The following SEPTIN2 variants were observed in gnomAD, a reference collection of about 807,000 sequenced individuals.
SEPTIN2 encodes the protein septin-2.
SEPTIN2 carries 34 observed loss-of-function variants against 46.5 expected under a neutral mutation model. The ratio of observed to expected loss-of-function variants is 0.73; its 90% CI spans 0.56 to 0.97. The LOEUF (loss-of-function observed/expected upper bound fraction) is 0.97, where lower values mean the gene tolerates loss of function less well. Among genes scored for constraint, SEPTIN2 ranks in the 50% least tolerant of loss-of-function variants. The probability of loss-of-function intolerance (pLI) is 0.00; values close to 1 mark genes in which losing one functional copy is unlikely to be tolerated. For synonymous variants in SEPTIN2, 175 were observed against 153.4 expected (o/e 1.14, Z -1.04); for missense variants, 347 against 448.4 (o/e 0.77, Z 2.04).
chr2:241,325,900 G>T, intron 2 of SEPTIN2, 93 bp from the exon 3 acceptor site: 2 of 1,241,390 alleles, frequency 1.6e-6, no homozygotes, highest in South Asian at 3.3e-5. Flanking sequence ...TGTGAAAACT[G>T]ATAACCTATG....
intron 10 of SEPTIN2, among the ~76,000 whole-genome samples, chr2:241,347,870 C>T (rs1251634981): frequency 6.6e-6 from 1 of 152,094 alleles, no homozygotes; most frequent in African/African-American, 2.4e-5. Flanking sequence ...AAAAAATTAG[C>T]TGGGCGTGGT....
In SEPTIN2 at chr2:241,337,395, A is replaced by C. The variant is rs761979179; in HGVS notation, c.355A>C (p.Ile119Leu). 1.2e-6 allele frequency: 2 copies of C among 1,613,444 alleles called. No homozygotes were observed. Among genetic ancestry groups the C allele is most frequent in the Non-Finnish European group, 1.7e-6 (2 of 1,179,714 alleles). ...TGTTTCTCTCAGTTTTAAGACAATT[A>C]TCTCCTATATTGATGAGCAATTTGA... ...INCRDCFKTI[I>L]SYIDEQFERY... The change falls in exon 6 of 13, where the codon ATC (isoleucine) becomes CTC (leucine). Residue 119 changes from isoleucine (I) to leucine (L), a missense_variant. Ile to Leu is a conservative substitution (Grantham distance 5). Transcript: ENST00000391971.
intron 5 of SEPTIN2, 28 bp downstream of exon 5, chr2:241,336,126 C>T (rs2079933171): frequency 1.2e-6 from 2 of 1,608,334 alleles, no homozygotes; most frequent in East Asian, 4.5e-5. Flanking sequence ...CAGGGATCTG[C>T]ATTTGTTTAC....
chr2:241,326,122 TTAATC>T lies in SEPTIN2; in HGVS notation c.130+12_130+16del, dbSNP rs1337292914. On this transcript the variant is annotated intron_variant, in intron 3 of 12. Coordinates refer to ENST00000391971, the MANE Select transcript of SEPTIN2 (RefSeq NM_004404.5). ...CACACTGATGGTGGTCGGTAAGAAATTAATCTATAGTCTCCAACTTACTAAATAAA... is the reference window on the plus strand; with the variant it reads ...CACACTGATGGTGGTCGGTAAGAAATTATAGTCTCCAACTTACTAAATAAA... The T allele has an allele frequency of 3.5e-5, 56 of 1,611,344 alleles. 1 individual carries two copies. The highest frequency in any genetic ancestry group is 4.2e-5 in the Non-Finnish European group (50 of 1,178,792).
At position 241,348,209 on chromosome 2, in the gene SEPTIN2, A is replaced by ATTGG. The variant is rs576569632; in HGVS notation, c.984+38_984+41dup. 1.8e-4 allele frequency: 287 copies of ATTGG among 1,602,084 alleles called. 2 individuals carry two copies. Among genetic ancestry groups the ATTGG allele is most frequent in the South Asian group, 1.7e-3 (152 of 90,442 alleles). On this transcript the variant is annotated intron_variant, in intron 11 of 12. Transcript: ENST00000391971. ...AAGCTGAGGTAAGTAGGAAAGTACT[A>ATTGG]TTGGTTGGTTGGTTGGTTGGTTGTT...
chr2:241,348,697 A>G (rs1484323726), intron 11 of SEPTIN2, among the ~76,000 whole-genome samples: 1 of 152,180 alleles, frequency 6.6e-6, no homozygotes, highest in Non-Finnish European at 1.5e-5. Context: ...ATGGATATTT[A>G]CATAGCATAC....
intron 7 of SEPTIN2, among the ~76,000 whole-genome samples, chr2:241,341,454 G>A (rs2081252004): frequency 6.6e-6 from 1 of 152,190 alleles, no homozygotes; most frequent in Non-Finnish European, 1.5e-5. Context: ...TATGAGGCCA[G>A]CATAGGACAA....
At chr2:241,336,400 A>T (rs929679214) in intron 5 of SEPTIN2, 1 of 325,792 alleles carries the variant, frequency 3.1e-6, no homozygotes, top group Non-Finnish European at 5.7e-6. Context: ...CATCCTTTCT[A>T]TGTGGAAGGA....
intron 3 of SEPTIN2, among the ~76,000 whole-genome samples, chr2:241,334,889 A>C (rs1457095793): frequency 6.6e-6 from 1 of 152,194 alleles, no homozygotes; most frequent in Admixed American, 6.5e-5. Context: ...CTGTAGTCTC[A>C]TAGACCTGGA....
intron 7 of SEPTIN2, among the ~76,000 whole-genome samples, chr2:241,339,438 C>G (rs1650957439): frequency 6.6e-6 from 1 of 151,844 alleles, no homozygotes; most frequent in South Asian, 2.1e-4. Context: ...ATATATCCTT[C>G]TAGAACATAG....
chr2:241,348,328 A>G, intron 11 of SEPTIN2, 137 bp downstream of exon 11: 1 of 506,582 alleles, frequency 2.0e-6, no homozygotes, highest in South Asian at 2.5e-5. Flanking sequence ...CCCGGGTTCA[A>G]GTGATTCTCC....
rs1314042572 is a variant in SEPTIN2, at chr2:241,337,711, A to T, written c.515A>T (p.His172Leu). The T allele has an allele frequency of 1.2e-6, 2 of 1,614,082 alleles. No individual in the cohort carries two copies. The highest frequency in any genetic ancestry group is 1.3e-5 in the African/African-American group (1 of 75,014). Residue 172 changes from histidine (H) to leucine (L), a missense_variant, in exon 7 of 13, where the codon CAC (histidine) becomes CTC (leucine). Transcript: ENST00000391971. ...PLDVAFMKAIHNKVNIVPVIA... is the reference protein window; with the variant it reads ...PLDVAFMKAILNKVNIVPVIA... ...GATGTGGCGTTTATGAAGGCAATAC[A>T]CAACAAGGTGAATATTGTGCCTGTC...
chr2:241,334,895 C>G lies in SEPTIN2; in HGVS notation c.131-231C>G, dbSNP rs146217934. 3.5e-3 allele frequency among the ~76,000 whole-genome samples: 529 copies of G among 152,256 alleles called. 2 individuals are homozygous for G. Among genetic ancestry groups the G allele is most frequent in the Middle Eastern group, 0.031 (9 of 294 alleles). ...GTTCAAGTTCTGTAGTCTCATAGAC[C>G]TGGATTCAAATCTTGGCCCTGCTCT... On this transcript the variant is annotated intron_variant, in intron 3 of 12. Transcript: ENST00000391971.
At chr2:241,348,648 T>C (rs2060496029) in intron 11 of SEPTIN2, among the ~76,000 whole-genome samples, 1 of 152,204 alleles carries the variant, frequency 6.6e-6, no homozygotes, top group African/African-American at 2.4e-5. Context: ...ATATAACTAC[T>C]TTATTACTAT....
chr2:241,345,523 C>A (rs1030454399), intron 9 of SEPTIN2, among the ~76,000 whole-genome samples: 10 of 152,156 alleles, frequency 6.6e-5, no homozygotes, highest in South Asian at 2.1e-4. Flanking sequence ...TCCCTGGATC[C>A]TGAATCAATA....
At chr2:241,317,157 C>A (rs1249519270) in intron 1 of SEPTIN2, 1 of 152,174 alleles carries the variant, frequency 6.6e-6, no homozygotes, top group African/African-American at 2.4e-5. Context: ...ATTCTTGATA[C>A]TTCTGATTTG....
chr2:241,316,698 CT>C, intron 1 of SEPTIN2: 2 of 506,714 alleles, frequency 3.9e-6, no homozygotes, highest in Non-Finnish European at 3.4e-6. Flanking sequence ...ACCTGGCTTG[CT>C]TTTTTACCTT....
At chr2:241,326,990 G>A (rs1203261221) in intron 3 of SEPTIN2, among the ~76,000 whole-genome samples, 1 of 139,558 alleles carries the variant, frequency 7.2e-6, no homozygotes, top group Non-Finnish European at 1.5e-5. Context: ...TGAGGCTGCA[G>A]TAAGCTGAGA....
chr2:241,340,198 C>CT (rs1373870339), intron 7 of SEPTIN2, among the ~76,000 whole-genome samples: 3 of 152,204 alleles, frequency 2.0e-5, no homozygotes, highest in East Asian at 3.8e-4. Flanking sequence ...TGTTTCCTGT[C>CT]TGAGAAATTG....
Sources: allele counts gnomAD v4.1 joint callset (sites outside exome capture counted in the v4.1 genomes callset), GRCh38; gene constraint gnomAD v4.1.1; transcripts MANE v1.5; gene names NCBI Gene and HGNC (gene_info 2026-07-23, HGNC 2026-07-21).